The following PAN3 variants were observed in gnomAD, a reference collection of about 807,000 sequenced individuals.
PAN3 encodes PAN2-PAN3 deadenylation complex subunit PAN3.
PAN3 carries 19 observed loss-of-function variants against 96.2 expected under a neutral mutation model. That is an observed-to-expected ratio of 0.20 (90% CI 0.14 to 0.29). The LOEUF (loss-of-function observed/expected upper bound fraction) is 0.29, where lower values mean the gene tolerates loss of function less well. Among genes scored for constraint, PAN3 ranks in the 10% least tolerant of loss-of-function variants. The pLI, the probability that PAN3 is intolerant of heterozygous loss-of-function variation, is 1.00. For synonymous variants in PAN3, 433 were observed against 406.6 expected (o/e 1.06, Z -0.78); for missense variants, 882 against 1,108.1 (o/e 0.80, Z 2.90).
intron 6 of PAN3, among the ~76,000 whole-genome samples, chr13:28,237,687 GAAT>G (rs1174618211): frequency 6.6e-6 from 1 of 152,074 alleles, no homozygotes; most frequent in Admixed American, 6.5e-5. Flanking sequence ...GGTGGGTGAA[GAAT>G]AATAATTAAC....
chr13:28,172,465 ATTAT>A (rs1194540889), intron 1 of PAN3, among the ~76,000 whole-genome samples: 1 of 152,114 alleles, frequency 6.6e-6, no homozygotes, highest in African/African-American at 2.4e-5. Flanking sequence ...CAAAAAAAAA[ATTAT>A]TTAGTCTTTA....
intron 1 of PAN3, among the ~76,000 whole-genome samples, chr13:28,146,694 C>T (rs1340295119): frequency 6.6e-6 from 1 of 152,094 alleles, no homozygotes. Flanking sequence ...AACATTTAAA[C>T]AGGCCAGGCG....
At chr13:28,228,441 G>GA (rs1882221308) in intron 6 of PAN3, among the ~76,000 whole-genome samples, 1 of 152,250 alleles carries the variant, frequency 6.6e-6, no homozygotes, top group East Asian at 1.9e-4. Flanking sequence ...CAACAACCTA[G>GA]ATGTGGATTG....
At chr13:28,158,287 C>G (rs1872477818) in intron 1 of PAN3, among the ~76,000 whole-genome samples, 3 of 152,148 alleles carry the variant, frequency 2.0e-5, no homozygotes. Flanking sequence ...TACGCCCCAG[C>G]AAAGATTTCA....
chr13:28,279,131 C>T (rs762284819), intron 15 of PAN3, among the ~76,000 whole-genome samples: 2 of 151,822 alleles, frequency 1.3e-5, no homozygotes, highest in African/African-American at 2.4e-5. Context: ...AATGGCTTTA[C>T]GTATAGAATA....
chr13:28,170,489 A>C (rs558444530), intron 1 of PAN3, among the ~76,000 whole-genome samples: 1 of 152,212 alleles, frequency 6.6e-6, no homozygotes, highest in Admixed American at 6.5e-5. Context: ...TAATTGTTCT[A>C]TTGGCTTGTA....
intron 4 of PAN3, among the ~76,000 whole-genome samples, chr13:28,183,563 C>T (rs887510418): frequency 2.0e-5 from 3 of 152,152 alleles, no homozygotes; most frequent in African/African-American, 7.2e-5. Flanking sequence ...AGTCCAAGTT[C>T]GGGGTATGGG....
At chr13:28,153,279 A>G (rs954025401) in intron 1 of PAN3, among the ~76,000 whole-genome samples, 9 of 122,394 alleles carry the variant, frequency 7.4e-5, no homozygotes, top group Non-Finnish European at 1.1e-4. Flanking sequence ...CTCTGTTGCC[A>G]GCCTGGAGTG....
At chr13:28,164,141 T>G (rs1323876928) in intron 1 of PAN3, among the ~76,000 whole-genome samples, 1 of 152,162 alleles carries the variant, frequency 6.6e-6, no homozygotes, top group Non-Finnish European at 1.5e-5. Context: ...GCTATTAAAT[T>G]CACCTATTAT....
chr13:28,269,373 T>C (rs546065764), intron 12 of PAN3, among the ~76,000 whole-genome samples: 2 of 152,270 alleles, frequency 1.3e-5, no homozygotes, highest in South Asian at 2.1e-4. Flanking sequence ...TTTAAAATAT[T>C]GTTTGAGTAG....
rs139081618 is a variant in PAN3, at chr13:28,180,743, T to C, written c.690+2808T>C. Among the ~76,000 whole-genome samples the C allele has an allele frequency of 6.9e-3, 1,046 of 152,300 alleles. 11 individuals are homozygous for C. The highest frequency in any genetic ancestry group is 0.024 in the African/African-American group (1,009 of 41,556). ...GTTGGGCCAGTCTCTGAGCCAGATA[T>C]GCTAACTTTTGCCTGTGGGATTATG... is the stretch of plus-strand genomic sequence containing the variant. On this transcript the variant is annotated intron_variant, in intron 4 of 18. Coordinates refer to ENST00000380958, the MANE Select transcript of PAN3 (RefSeq NM_175854.8).
At position 28,281,389 on chromosome 13, in the gene PAN3, T is replaced by C. The variant is rs1887455881; in HGVS notation, c.2384+10T>C. On this transcript the variant is annotated intron_variant, in intron 17 of 18. Transcript: ENST00000380958. The stretch of plus-strand genomic sequence containing the variant: ...TCAATGAGAGGCCGGAGTAAGGATT[T>C]ACAGTATTTTACAATATATTTTTAA... The C allele has an allele frequency of 6.3e-7, 1 of 1,589,796 alleles. No homozygotes were observed. Among genetic ancestry groups the C allele is most frequent in the Non-Finnish European group, 8.6e-7 (1 of 1,159,254 alleles).
intron 6 of PAN3, among the ~76,000 whole-genome samples, chr13:28,244,667 T>G (rs1463231707): frequency 6.6e-6 from 1 of 152,144 alleles, no homozygotes; most frequent in Non-Finnish European, 1.5e-5. Flanking sequence ...CATTTTTCAG[T>G]GTCTAATGGT....
rs1468922102 is a variant in PAN3 at position 28,260,555 on chromosome 13, T to C, written c.1353+4T>C. ...CATGGCTGATGAACTCCGACAGGTA[T>C]GCTTTCAGAATTCATAGTAGGAATA... On this transcript the variant is annotated splice_donor_region_variant and intron_variant, in intron 8 of 18. Transcript: ENST00000380958. The C allele has an allele frequency of 4.4e-6, 7 of 1,600,036 alleles. No homozygotes were observed. Among genetic ancestry groups the C allele is most frequent in the Non-Finnish European group, 6.0e-6 (7 of 1,167,544 alleles).
chr13:28,149,928 C>A (rs1275861195), intron 1 of PAN3, among the ~76,000 whole-genome samples: 1 of 152,150 alleles, frequency 6.6e-6, no homozygotes, highest in Non-Finnish European at 1.5e-5. Context: ...AGCCTACATT[C>A]TTTATATAGA....
chr13:28,159,127 G>A (rs539229089), intron 1 of PAN3, among the ~76,000 whole-genome samples: 7 of 152,278 alleles, frequency 4.6e-5, no homozygotes, highest in African/African-American at 1.2e-4. Context: ...AGGCATATAC[G>A]TTGTTCTGTC....
At chr13:28,242,068 A>G (rs1883717018) in intron 6 of PAN3, among the ~76,000 whole-genome samples, 1 of 152,244 alleles carries the variant, frequency 6.6e-6, no homozygotes. Context: ...AAAGTAACAC[A>G]TACTAGAGTA....
At chr13:28,269,475 AAGC>A (rs1566247294) in intron 12 of PAN3, among the ~76,000 whole-genome samples, 1 of 152,098 alleles carries the variant, frequency 6.6e-6, no homozygotes, top group Non-Finnish European at 1.5e-5. Context: ...TGAAAAAAAA[AAGC>A]AAAGTATAAG....
At chr13:28,167,082 A>ATTT (rs1158467405) in intron 1 of PAN3, among the ~76,000 whole-genome samples, 152 of 118,320 alleles carry the variant, frequency 1.3e-3, no homozygotes, top group African/African-American at 4.3e-3. Flanking sequence ...TTTTATCTTA[A>ATTT]TTTTTTTTTT....
Sources: allele counts gnomAD v4.1 joint callset (sites outside exome capture counted in the v4.1 genomes callset), GRCh38; gene constraint gnomAD v4.1.1; transcripts MANE v1.5; gene names NCBI Gene and HGNC (gene_info 2026-07-23, HGNC 2026-07-21).